The following FAT3 variants were observed in gnomAD, a reference collection of about 807,000 sequenced individuals.
FAT3 encodes FAT atypical cadherin 3, also known as protocadherin Fat 3.
FAT3 carries 95 observed loss-of-function variants against 310.2 expected under a neutral mutation model. The ratio of observed to expected loss-of-function variants is 0.31; its 90% confidence interval spans 0.26 to 0.36. The LOEUF is 0.36. FAT3 is among the 10% of genes least tolerant of loss of function. The probability of loss-of-function intolerance (pLI) is 1.00; values close to 1 mark genes in which losing one functional copy is unlikely to be tolerated. For synonymous variants in FAT3, 2,314 were observed against 2,192.9 expected, an observed-to-expected ratio of 1.06 and a Z score of -1.54; for missense variants, 5,408 against 5,715.6, an observed-to-expected ratio of 0.95 and a Z score of 1.74.
At chr11:92,296,354 G>A (rs141994941) in intron 1 of FAT3, among the ~76,000 whole-genome samples, 28 of 152,188 alleles carry the variant, frequency 1.8e-4, no homozygotes, top group Non-Finnish European at 2.2e-4. Context: ...TCTGGGAAGT[G>A]GTGGAATAAT....
At chr11:92,432,122 A>C (rs536020799) in intron 2 of FAT3, among the ~76,000 whole-genome samples, 4 of 152,170 alleles carry the variant, frequency 2.6e-5, no homozygotes, top group African/African-American at 9.6e-5. Flanking sequence ...GATTCTTCCT[A>C]CCCATGAGCA....
At chr11:92,493,286 G>A (rs1952660553) in intron 2 of FAT3, among the ~76,000 whole-genome samples, 1 of 152,094 alleles carries the variant, frequency 6.6e-6, no homozygotes, top group Admixed American at 6.6e-5. Flanking sequence ...ATAATGGGCA[G>A]AAGTTTCCTC....
At chr11:92,355,810 A>G (rs1437487531) in intron 2 of FAT3, among the ~76,000 whole-genome samples, 4 of 152,300 alleles carry the variant, frequency 2.6e-5, no homozygotes, top group East Asian at 3.9e-4. Flanking sequence ...TGGATCTTAT[A>G]TAGGAATCTT....
chr11:92,277,510 G>A (rs867890107), intron 1 of FAT3, among the ~76,000 whole-genome samples: 1 of 152,100 alleles, frequency 6.6e-6, no homozygotes, highest in South Asian at 2.1e-4. Context: ...ACACACCTTG[G>A]AAAACTACAC....
intron 4 of FAT3, among the ~76,000 whole-genome samples, chr11:92,739,024 G>A (rs1945431121): frequency 6.6e-6 from 1 of 152,108 alleles, no homozygotes; most frequent in Non-Finnish European, 1.5e-5. Flanking sequence ...AATTACCCTG[G>A]CAGCTGACCC....
At chr11:92,796,440 C>A (rs185711842) in intron 9 of FAT3, among the ~76,000 whole-genome samples, 1 of 151,998 alleles carries the variant, frequency 6.6e-6, no homozygotes, top group Non-Finnish European at 1.5e-5. Flanking sequence ...ATGAACATGA[C>A]CATTTTGTGT....
chr11:92,662,207 G>A (rs574458957), intron 3 of FAT3, among the ~76,000 whole-genome samples: 5 of 152,240 alleles, frequency 3.3e-5, no homozygotes, highest in Admixed American at 2.0e-4. Context: ...TAAGAACAGG[G>A]CATATTATGC....
At chr11:92,717,107 A>G (rs1944714846) in intron 4 of FAT3, among the ~76,000 whole-genome samples, 1 of 152,200 alleles carries the variant, frequency 6.6e-6, no homozygotes, top group Non-Finnish European at 1.5e-5. Context: ...GCATGTGTGG[A>G]GAGACTAACA....
rs779151013 is a variant in FAT3 at position 92,883,330 on chromosome 11, G to C, written c.12874G>C (p.Val4292Leu). 5 of 1,611,372 alleles carry C rather than the reference G, an allele frequency of 3.1e-6. No individual in the cohort carries two copies. Among genetic ancestry groups the C allele is most frequent in the Non-Finnish European group, 4.2e-6 (5 of 1,179,268 alleles). ...VCSVAPNLPA[V>L]SPCRSDCDSI... Reference sequence around the variant, plus strand: ...CAGTGTGGCCCCCAACCTCCCCGCCGTGTCACCCTGCCGCTCCGACTGCGA... The same window carrying C: ...CAGTGTGGCCCCCAACCTCCCCGCCCTGTCACCCTGCCGCTCCGACTGCGA... Residue 4292 changes from valine to leucine, a missense_variant, in exon 24 of 28, where the codon GTG becomes CTG. Transcript: ENST00000525166. The surrounding 1 kb of genome is among the most constrained non-coding windows in gnomAD (Gnocchi z 4.2).
intron 1 of FAT3, among the ~76,000 whole-genome samples, chr11:92,235,835 AG>A (rs1192291265): frequency 6.6e-6 from 1 of 152,182 alleles, no homozygotes; most frequent in Admixed American, 6.5e-5. Flanking sequence ...ACACATCAAG[AG>A]GGCATGTTGG....
At chr11:92,412,771 A>AC (rs1591253099) in intron 2 of FAT3, among the ~76,000 whole-genome samples, 1 of 134,582 alleles carries the variant, frequency 7.4e-6, no homozygotes. Context: ...ATATATATTT[A>AC]ATGTAAGACT....
intron 13 of FAT3, among the ~76,000 whole-genome samples, chr11:92,823,798 A>T (rs1460663395): frequency 6.6e-6 from 1 of 152,242 alleles, no homozygotes; most frequent in African/African-American, 2.4e-5. Context: ...CCCAATGAAG[A>T]ACTTTTAAAA....
At chr11:92,269,758 A>C (rs143905921) in intron 1 of FAT3, among the ~76,000 whole-genome samples, 23 of 152,262 alleles carry the variant, frequency 1.5e-4, no homozygotes, top group African/African-American at 5.5e-4. Context: ...AATGGGAGGA[A>C]ATAATTTTCA....
intron 13 of FAT3, among the ~76,000 whole-genome samples, chr11:92,811,450 G>C (rs971269621): frequency 2.6e-5 from 4 of 152,152 alleles, no homozygotes; most frequent in African/African-American, 9.7e-5. Context: ...CGTCTGATTA[G>C]TGCACATGGT....
intron 19 of FAT3, among the ~76,000 whole-genome samples, chr11:92,853,006 C>A (rs1000887997): frequency 2.0e-5 from 3 of 152,206 alleles, no homozygotes; most frequent in African/African-American, 7.2e-5. Flanking sequence ...GCTGGTGACA[C>A]CTTTTGCCTG....
chr11:92,611,123 T>G (rs1478766884), intron 3 of FAT3, among the ~76,000 whole-genome samples: 1 of 151,994 alleles, frequency 6.6e-6, no homozygotes, highest in African/African-American at 2.4e-5. Context: ...CTATCTTCTC[T>G]CTATTTATTT....
chr11:92,324,132 T>C (rs1947704483), intron 1 of FAT3, among the ~76,000 whole-genome samples: 1 of 152,214 alleles, frequency 6.6e-6, no homozygotes, highest in Non-Finnish European at 1.5e-5. Flanking sequence ...TGGTCTGCTG[T>C]TCAGACCACT....
chr11:92,631,943 C>G (rs1347975021), intron 3 of FAT3, among the ~76,000 whole-genome samples: 1 of 152,124 alleles, frequency 6.6e-6, no homozygotes, highest in Admixed American at 6.5e-5. Context: ...GCCAGCTTTT[C>G]TGGCCCTTCA....
chr11:92,548,521 C>A (rs1317623047), intron 3 of FAT3, among the ~76,000 whole-genome samples: 1 of 152,174 alleles, frequency 6.6e-6, no homozygotes, highest in African/African-American at 2.4e-5. Context: ...GTTGCTTAAA[C>A]CTCAAAAAGT....
Sources: allele counts gnomAD v4.1 joint callset (sites outside exome capture counted in the v4.1 genomes callset), GRCh38; gene constraint gnomAD v4.1.1; non-coding constraint Gnocchi (gnomAD v3.1); transcripts MANE v1.5; gene names NCBI Gene and HGNC (gene_info 2026-07-23, HGNC 2026-07-21).